ISLR2: variants seen among roughly 807,000 people sequenced by gnomAD.
ISLR2 encodes immunoglobulin superfamily containing leucine-rich repeat protein 2.
In ISLR2, 16 loss-of-function variants were observed where a neutral mutation model predicts 25.5. The ratio of observed to expected loss-of-function variants is 0.63; its 90% CI spans 0.43 to 0.95. The LOEUF is 0.95. Ranked by LOEUF, ISLR2 falls within the 40% of genes least tolerant of loss-of-function variation. ISLR2 has a pLI of 0.00. For synonymous variants in ISLR2, 508 were observed against 486.6 expected, an observed-to-expected ratio of 1.04 and a Z score of -0.58; for missense variants, 883 against 1,030.7, an observed-to-expected ratio of 0.86 and a Z score of 1.96.
intron 2 of ISLR2, among the ~76,000 whole-genome samples, chr15:74,120,836 A>G (rs2072247430): frequency 1.3e-5 from 2 of 152,156 alleles, no homozygotes; most frequent in Non-Finnish European, 2.9e-5. Context: ...GCAACACACT[A>G]AAAAATAACT....
At position 74,134,293 on chromosome 15, in the gene ISLR2, C is replaced by G. The variant is rs941006290; in HGVS notation, c.1539C>G (p.Pro513=). The part of the protein sequence containing the change: ...TPLAARWGPG[P]GGAGGAPRPG... Reference sequence around the variant, plus strand: ...TGGCTGCGCGCTGGGGCCCTGGGCCCGGCGGGGCTGGCGGAGCCCCGCGAC... The same window carrying G: ...TGGCTGCGCGCTGGGGCCCTGGGCCGGGCGGGGCTGGCGGAGCCCCGCGAC... The change falls in exon 3 of 3, where the codon CCC becomes CCG. Residue 513 remains proline, a synonymous_variant. Coordinates refer to ENST00000453268, the MANE Select transcript of ISLR2 (RefSeq NM_020851.3). The G allele has an allele frequency of 1.3e-6, 2 of 1,540,040 alleles. No individual in the cohort carries two copies. The highest frequency in any genetic ancestry group is 8.7e-7 in the Non-Finnish European group (1 of 1,143,588).
At chr15:74,105,813 A>G (rs1170897989) in intron 2 of ISLR2, among the ~76,000 whole-genome samples, 5 of 152,148 alleles carry the variant, frequency 3.3e-5, no homozygotes, top group African/African-American at 4.8e-5. Flanking sequence ...TAACCCAAAC[A>G]TTCCACCCAG....
At position 74,113,493 on chromosome 15, in the gene ISLR2, AT is replaced by A. The variant is rs2072186681; in HGVS notation, n.228+9583del. 2.6e-5 allele frequency among the ~76,000 whole-genome samples: 4 copies of A among 151,554 alleles called. No homozygotes were observed. In the South Asian group the frequency reaches 8.3e-4, roughly 32 times the overall value. The stretch of plus-strand genomic sequence containing the variant: ...TGGTTTTCTCTTAATTTTAGGATAT[AT>A]TTTCTCGCTTTTTCACACATCTAGT... On this transcript the variant is annotated intron_variant and non_coding_transcript_variant, in intron 2 of 3. Transcript: ENST00000561975.
chr15:74,108,467 T>G (rs1158763101), intron 2 of ISLR2, among the ~76,000 whole-genome samples: 6 of 152,084 alleles, frequency 3.9e-5, no homozygotes, highest in African/African-American at 1.4e-4. Flanking sequence ...ACAGCAGCAC[T>G]GCCGCCCCCA....
At chr15:74,114,303 A>C (rs2072193645) in intron 2 of ISLR2, among the ~76,000 whole-genome samples, 1 of 152,190 alleles carries the variant, frequency 6.6e-6, no homozygotes, top group Non-Finnish European at 1.5e-5. Flanking sequence ...CACAATTCGA[A>C]GTACGATTAA....
chr15:74,116,181 G>C (rs1359996500), intron 2 of ISLR2, among the ~76,000 whole-genome samples: 15 of 152,116 alleles, frequency 9.9e-5, no homozygotes, highest in Admixed American at 9.8e-4. Flanking sequence ...TGGGCACATA[G>C]TGAGACCTTG....
At position 74,134,741 on chromosome 15, in the gene ISLR2, G is replaced by A. The variant is rs149170531; in HGVS notation, c.1987G>A (p.Glu663Lys). The A allele has an allele frequency of 8.1e-6, 13 of 1,613,880 alleles. No individual in the cohort carries two copies. Among genetic ancestry groups the A allele is most frequent in the African/African-American group, 6.7e-5 (5 of 74,906 alleles). ...ESEKSYPAGGEAGGEEPEDVQ... is the reference protein window; with the variant it reads ...ESEKSYPAGGKAGGEEPEDVQ... Reference sequence around the variant, plus strand: ...CGAGAAAAGCTACCCGGCAGGCGGCGAGGCGGGCGGCGAGGAGCCAGAGGA... The same window carrying A: ...CGAGAAAAGCTACCCGGCAGGCGGCAAGGCGGGCGGCGAGGAGCCAGAGGA... Residue 663 changes from glutamate (E) to lysine (K), a missense_variant, in exon 3 of 3, where the codon GAG becomes AAG. Physicochemically the swap from Glu to Lys is moderately conservative, Grantham distance 56. Around this residue, in one of 2 missense-constraint regions of ISLR2, gnomAD observed 612 missense variants for 642.8 expected, o/e 0.95. Transcript: ENST00000453268.
chr15:74,128,848 A>G (rs2072341771), upstream of ISLR2: 1 of 396,436 alleles, frequency 2.5e-6, no homozygotes, highest in Non-Finnish European at 5.0e-6. Flanking sequence ...CAACTGCCCA[A>G]GACGCCGCTC....
upstream of ISLR2, chr15:74,128,555 C>T (rs1290323353): frequency 2.2e-6 from 1 of 456,662 alleles, no homozygotes; most frequent in South Asian, 1.5e-5. Flanking sequence ...AGGACGGGTT[C>T]CTGCAGTCCA....
upstream of ISLR2, chr15:74,128,380 G>C (rs1395981316): frequency 2.4e-4 from 108 of 441,330 alleles, 1 homozygote; most frequent in African/African-American, 8.2e-5. Flanking sequence ...TAGAGCCTCC[G>C]GGCCCGCGGG....
At chr15:74,119,180 A>T (rs2072233547) in intron 2 of ISLR2, among the ~76,000 whole-genome samples, 1 of 152,080 alleles carries the variant, frequency 6.6e-6, no homozygotes, top group South Asian at 2.1e-4. Context: ...AATAGTGCTA[A>T]AGACACTAGA....
In ISLR2 at chr15:74,133,791, G is replaced by A. The variant is rs750375573; in HGVS notation, c.1037G>A (p.Ser346Asn). The part of the protein sequence containing the change: ...ANGSLLVPLL[S>N]AKEAGVYTCR... Reference sequence around the variant, plus strand: ...GGCTCCCTGTTGGTGCCCCTCCTGAGTGCCAAGGAGGCGGGCGTCTACACT... The same window carrying A: ...GGCTCCCTGTTGGTGCCCCTCCTGAATGCCAAGGAGGCGGGCGTCTACACT... The change falls in exon 3 of 3, where the codon AGT becomes AAT. Residue 346 changes from serine (S) to asparagine (N), a missense_variant. Transcript: ENST00000453268. The A allele has an allele frequency of 1.9e-6, 3 of 1,613,960 alleles. No homozygotes were observed. The highest frequency in any genetic ancestry group is 2.5e-6 in the Non-Finnish European group (3 of 1,179,928).
chr15:74,134,850 G>C lies in ISLR2; in HGVS notation c.2096G>C (p.Cys699Ser). Reference sequence around the variant, plus strand: ...CAGAGAGAGGAGAGCCTGGCGGCCTGCTCACTGGTGGAGTCCCAGTCCAAG... The same window carrying C: ...CAGAGAGAGGAGAGCCTGGCGGCCTCCTCACTGGTGGAGTCCCAGTCCAAG... ...DLQREESLAACSLVESQSKAN... is the reference protein window; with the variant it reads ...DLQREESLAASSLVESQSKAN... Residue 699 changes from cysteine to serine, a missense_variant, in exon 3 of 3, where the codon TGC (cysteine) becomes TCC (serine). Transcript: ENST00000453268. 1 of 1,614,192 alleles carries C rather than the reference G, an allele frequency of 6.2e-7. No homozygotes were observed.
Position 74,134,075 on chromosome 15 carries a change from G to C in ISLR2, c.1321G>C (p.Glu441Gln). 6.2e-7 allele frequency: 1 copy of C among 1,613,674 alleles called. No individual in the cohort carries two copies. The highest frequency in any genetic ancestry group is 8.5e-7 in the Non-Finnish European group (1 of 1,179,850). Residue 441 changes from glutamate to glutamine, a missense_variant, in exon 3 of 3, where the codon GAG becomes CAG. This residue lies in a region of ISLR2 where 612 missense variants were observed against 642.8 expected (regional missense o/e 0.95). Coordinates refer to ENST00000453268, the MANE Select transcript of ISLR2 (RefSeq NM_020851.3). Reference sequence around the variant, plus strand: ...GACGGAGCCGGAGGAGGACACAAGTGAGGGAGAGGAGGCCGAAGACCAGAT... The same window carrying C: ...GACGGAGCCGGAGGAGGACACAAGTCAGGGAGAGGAGGCCGAAGACCAGAT... ...TETEPEEDTS[E>Q]GEEAEDQILA...
intron 2 of ISLR2, among the ~76,000 whole-genome samples, chr15:74,115,717 G>A (rs1420964557): frequency 6.6e-6 from 1 of 151,350 alleles, no homozygotes; most frequent in African/African-American, 2.4e-5. Flanking sequence ...AAAATAACAG[G>A]CAAAATAGGG....
At chr15:74,107,098 G>T (rs931691803) in intron 2 of ISLR2, among the ~76,000 whole-genome samples, 6 of 152,152 alleles carry the variant, frequency 3.9e-5, no homozygotes, top group Non-Finnish European at 8.8e-5. Context: ...CTGGCCTCCT[G>T]CAGGGGCAGC....
Position 74,134,985 on chromosome 15 carries a change from C to T in ISLR2, c.2231C>T (p.Ala744Val). 6.2e-7 allele frequency: 1 copy of T among 1,611,452 alleles called. No individual in the cohort carries two copies. Among genetic ancestry groups the T allele is most frequent in the Non-Finnish European group, 8.5e-7 (1 of 1,178,822 alleles). ...QEINGNYRQT[A>V]G ...ATTAATGGCAACTACAGGCAGACGG[C>T]AGGCTGAACCTCCGCCCGTCCGGCC... The change falls in exon 3 of 3, where the codon GCA becomes GTA. Residue 744 changes from alanine to valine, a missense_variant. Ala to Val is a moderately conservative substitution (Grantham distance 64, BLOSUM62 0). Around this residue, in one of 2 missense-constraint regions of ISLR2, gnomAD observed 612 missense variants for 642.8 expected, o/e 0.95. Transcript: ENST00000453268.
Position 74,134,710 on chromosome 15 carries a change from C to G in ISLR2, c.1956C>G (p.Leu652=). ...ACTTCGACCCGCGTGCTTCGTACCT[C>G]GAGTCCGAGAAAAGCTACCCGGCAG... ...AADFDPRASY[L]ESEKSYPAGG... The change falls in exon 3 of 3, where the codon CTC becomes CTG. Residue 652 remains leucine, a synonymous_variant. Coordinates refer to ENST00000453268, the MANE Select transcript of ISLR2 (RefSeq NM_020851.3). The G allele has an allele frequency of 1.2e-6, 2 of 1,614,114 alleles. No homozygotes were observed. The highest frequency in any genetic ancestry group is 1.1e-5 in the South Asian group (1 of 91,088).
At chr15:74,109,042 A>C (rs150645407) in intron 2 of ISLR2, among the ~76,000 whole-genome samples, 7 of 152,354 alleles carry the variant, frequency 4.6e-5, no homozygotes, top group African/African-American at 1.7e-4. Flanking sequence ...TTGATTATGT[A>C]ACTAAACATT....
Sources: allele counts gnomAD v4.1 joint callset (sites outside exome capture counted in the v4.1 genomes callset), GRCh38; gene constraint gnomAD v4.1.1; regional missense constraint gnomAD v4.1.1; transcripts MANE v1.5; gene names NCBI Gene and HGNC (gene_info 2026-07-23, HGNC 2026-07-21).